Variants in FBXO11 observed in about 807,000 individuals in gnomAD.
FBXO11 encodes F-box only protein 11.
Under a neutral mutation model 117.0 loss-of-function variants are expected in FBXO11, and 13 were observed. The observed-to-expected ratio is 0.11, with a 90% confidence interval of 0.07 to 0.18. The LOEUF (loss-of-function observed/expected upper bound fraction) is 0.18, where lower values mean the gene tolerates loss of function less well. Ranked by LOEUF, FBXO11 falls within the 10% of genes least tolerant of loss-of-function variation. The probability of loss-of-function intolerance (pLI) is 1.00; values close to 1 mark genes in which losing one functional copy is unlikely to be tolerated. For missense variants in FBXO11, 767 were observed against 1,164.4 expected, an observed-to-expected ratio of 0.66 and a Z score of 4.97; for synonymous variants, 490 against 380.5, an observed-to-expected ratio of 1.29 and a Z score of -3.35.
In FBXO11 at chr2:47,905,802, G is replaced by GGGGAGAGT. The variant is rs1173999291; in HGVS notation, c.-90_-83dup. ...GAGCTTCGGGGCAGGAGAAAGGGGT[G>GGGGAGAGT]GGGAGAGTGGGAGAGGGGGGAGGAA... On this transcript the variant is annotated 5_prime_UTR_variant, in exon 1 of 23. Coordinates refer to ENST00000403359, the MANE Select transcript of FBXO11 (RefSeq NM_001190274.2). 3 of 1,361,342 alleles carry GGGGAGAGT rather than the reference G, an allele frequency of 2.2e-6. No homozygotes were observed. The highest frequency in any genetic ancestry group is 1.5e-5 in the African/African-American group (1 of 65,226). 84.3% of individuals were successfully genotyped at this position (1,361,342 alleles called of 1,614,324 possible). A position where few individuals can be genotyped will look rare whatever the true frequency, so the allele number is the denominator to read the frequency against.
chr2:47,817,271 AAG>A (rs1429018339), intron 16 of FBXO11, among the ~76,000 whole-genome samples: 2 of 152,230 alleles, frequency 1.3e-5, no homozygotes, highest in South Asian at 2.1e-4. Context: ...CATAGAACTG[AAG>A]AGAGTTGGGT....
At chr2:47,846,160 A>G (rs541740075) in intron 1 of FBXO11, among the ~76,000 whole-genome samples, 7 of 152,250 alleles carry the variant, frequency 4.6e-5, no homozygotes, top group Non-Finnish European at 1.0e-4. Context: ...CAACAAGTCT[A>G]AAAGCAAGAC....
chr2:47,834,834 T>C lies in FBXO11; in HGVS notation c.755A>G (p.His252Arg). Residue 252 changes from histidine to arginine, a missense_variant, in exon 6 of 23, where the codon CAT (histidine) becomes CGT (arginine). Physicochemically the swap from His to Arg is conservative, Grantham distance 29. Transcript: ENST00000403359. ...ATATCTTGCAGGGTTACTGTAGAAA[T>C]GTTCAGCAAATCCTGGCTTTACATG... Reference protein sequence around the residue: ...GAHVKPGFAEHFYSNPARYKG... With the variant: ...GAHVKPGFAERFYSNPARYKG... The C allele has an allele frequency of 6.2e-7, 1 of 1,613,650 alleles. No homozygotes were observed. Among genetic ancestry groups the C allele is most frequent in the Non-Finnish European group, 8.5e-7 (1 of 1,179,844 alleles).
chr2:47,840,593 G>A (rs980192622), intron 1 of FBXO11, among the ~76,000 whole-genome samples: 25 of 151,552 alleles, frequency 1.6e-4, no homozygotes, highest in Non-Finnish European at 2.7e-4. Flanking sequence ...TGGGGCTACA[G>A]GCATGCACCA....
intron 4 of FBXO11, among the ~76,000 whole-genome samples, chr2:47,837,437 G>A (rs751584787): frequency 3.9e-5 from 6 of 152,184 alleles, no homozygotes; most frequent in African/African-American, 4.8e-5. Context: ...TGAGGCAGGA[G>A]AATTGCTTGA....
At chr2:47,860,452 C>T (rs899955129) in intron 1 of FBXO11, among the ~76,000 whole-genome samples, 3 of 151,026 alleles carry the variant, frequency 2.0e-5, no homozygotes, top group African/African-American at 7.3e-5. Flanking sequence ...GCTCTGTCGC[C>T]CAGAGTGGAG....
intron 18 of FBXO11, chr2:47,810,692 C>T (rs147083748): frequency 3.7e-4 from 121 of 324,380 alleles, no homozygotes; most frequent in Middle Eastern, 3.5e-3. Context: ...CTCAGCACTT[C>T]ATCTTCAGAG....
At position 47,813,396 on chromosome 2, in the gene FBXO11, A is replaced by G; in HGVS notation, c.2084-19T>C. On this transcript the variant is annotated intron_variant, in intron 17 of 22. Coordinates refer to ENST00000403359, the MANE Select transcript of FBXO11 (RefSeq NM_001190274.2). Reference sequence around the variant, plus strand: ...CCTAGACCTATAAATGCAAAAATGTAGGTTATCTAGAAGGTATATTTCTTT... The same window carrying G: ...CCTAGACCTATAAATGCAAAAATGTGGGTTATCTAGAAGGTATATTTCTTT... 3 of 1,164,222 alleles carry G rather than the reference A, an allele frequency of 2.6e-6. No homozygotes were observed. The highest frequency in any genetic ancestry group is 2.4e-6 in the Non-Finnish European group (2 of 831,340). 72.1% of individuals were successfully genotyped at this position (1,164,222 alleles called of 1,614,324 possible). A position where few individuals can be genotyped will look rare whatever the true frequency, so the allele number is the denominator to read the frequency against.
intron 11 of FBXO11, 138 bp downstream of exon 11, chr2:47,832,210 TA>T: frequency 1.6e-6 from 1 of 640,474 alleles, no homozygotes; most frequent in Non-Finnish European, 2.5e-6. Flanking sequence ...ATATTAATTT[TA>T]AAAAATAATG....
intron 1 of FBXO11, among the ~76,000 whole-genome samples, chr2:47,843,425 G>A (rs543160721): frequency 3.2e-4 from 48 of 148,926 alleles, no homozygotes; most frequent in Non-Finnish European, 5.9e-4. Flanking sequence ...CATATTTGTA[G>A]TTAATCTTTT....
intron 1 of FBXO11, among the ~76,000 whole-genome samples, chr2:47,850,011 G>A (rs572667004): frequency 8.0e-4 from 122 of 152,222 alleles, no homozygotes; most frequent in Admixed American, 1.2e-3. Flanking sequence ...AAAAACAACT[G>A]GAAATGAATA....
chr2:47,827,841 T>G (rs1293505005), intron 11 of FBXO11, among the ~76,000 whole-genome samples: 3 of 151,688 alleles, frequency 2.0e-5, no homozygotes, highest in Non-Finnish European at 2.9e-5. Context: ...GGATTACAGG[T>G]GGGTGCCACC....
chr2:47,839,840 TC>T, intron 1 of FBXO11, 71 bp from the exon 2 acceptor site: 1 of 1,422,336 alleles, frequency 7.0e-7, no homozygotes, highest in Non-Finnish European at 9.5e-7. Flanking sequence ...CAGAAAACTT[TC>T]TTAAAACTTC....
At chr2:47,876,054 TAAG>T (rs1486233768) in intron 1 of FBXO11, among the ~76,000 whole-genome samples, 2 of 152,210 alleles carry the variant, frequency 1.3e-5, no homozygotes, top group Admixed American at 1.3e-4. Flanking sequence ...AATTTACGCG[TAAG>T]AAGGTAAAAT....
At chr2:47,839,581 C>T in intron 2 of FBXO11, 61 bp downstream of exon 2, 1 of 1,604,820 alleles carries the variant, frequency 6.2e-7, no homozygotes, top group Non-Finnish European at 8.5e-7. Flanking sequence ...ATGACATTCC[C>T]TTTTTTGTTT....
chr2:47,834,377 G>A (rs1024414375), intron 7 of FBXO11, among the ~76,000 whole-genome samples: 2 of 151,722 alleles, frequency 1.3e-5, no homozygotes, highest in Non-Finnish European at 1.5e-5. Flanking sequence ...TGGGGGGGGC[G>A]GGGAGAAAGA....
In FBXO11 at chr2:47,832,593, T is replaced by A. The variant is rs761487410; in HGVS notation, c.1239A>T (p.Leu413=). 30 of 1,613,618 alleles carry A rather than the reference T, an allele frequency of 1.9e-5. No homozygotes were observed. In the Admixed American group the frequency reaches 5.0e-4, roughly 27 times the overall value. ...CNISDCENVG[L]YITDHAQGIY... ...ATACCTGTGCATGATCTGTTATATA[T>A]AGTCCAACATTTTCACAGTCACTGA... Residue 413 remains leucine, a synonymous_variant, in exon 10 of 23, where the codon CTA becomes CTT. Coordinates refer to ENST00000403359, the MANE Select transcript of FBXO11 (RefSeq NM_001190274.2).
chr2:47,848,323 A>G (rs749324920), intron 1 of FBXO11, among the ~76,000 whole-genome samples: 2 of 152,210 alleles, frequency 1.3e-5, no homozygotes, highest in East Asian at 1.9e-4. Flanking sequence ...CCACAGCATT[A>G]GATTCTCATA....
intron 1 of FBXO11, among the ~76,000 whole-genome samples, chr2:47,854,112 T>C (rs1049207655): frequency 6.6e-6 from 1 of 152,236 alleles, no homozygotes; most frequent in Non-Finnish European, 1.5e-5. Context: ...TTCCGAACTA[T>C]AAAAGTATGT....
Sources: allele counts gnomAD v4.1 joint callset (sites outside exome capture counted in the v4.1 genomes callset), GRCh38; gene constraint gnomAD v4.1.1; transcripts MANE v1.5; gene names NCBI Gene and HGNC (gene_info 2026-07-23, HGNC 2026-07-21).